Variants in LLGL2 observed in about 807,000 individuals in gnomAD.
LLGL2 encodes LLGL2, scribble cell polarity complex component.
In LLGL2, 81 loss-of-function variants were observed where a neutral mutation model predicts 123.2. That is an observed-to-expected ratio of 0.66 (90% CI 0.55 to 0.79). The LOEUF (loss-of-function observed/expected upper bound fraction) is 0.79. LLGL2 is among the 30% of genes least tolerant of loss of function. The pLI is 0.00. For missense variants in LLGL2, 1,273 were observed against 1,414.6 expected (o/e 0.90, Z 1.61); for synonymous variants, 577 against 594.1 (o/e 0.97, Z 0.42).
chr17:75,571,219 T>C, intron 17 of LLGL2, 119 bp downstream of exon 17: 2 of 970,970 alleles, frequency 2.1e-6, no homozygotes, highest in Admixed American at 2.3e-5. Flanking sequence ...GGTTTCCCCT[T>C]GTGAGCAGGG....
chr17:75,551,091 C>T (rs570628612), intron 2 of LLGL2, among the ~76,000 whole-genome samples: 49 of 152,310 alleles, frequency 3.2e-4, no homozygotes, highest in African/African-American at 1.2e-3. Context: ...GGAGACAGGT[C>T]ATTTACACAT....
At chr17:75,572,610 A>T (rs1419578416) in intron 19 of LLGL2, among the ~76,000 whole-genome samples, 1 of 148,104 alleles carries the variant, frequency 6.8e-6, no homozygotes, top group Non-Finnish European at 1.5e-5. Flanking sequence ...GCTTGCAGTG[A>T]GCCGAGATTG....
At chr17:75,530,376 C>T (rs991703178) in intron 1 of LLGL2, among the ~76,000 whole-genome samples, 4 of 151,958 alleles carry the variant, frequency 2.6e-5, no homozygotes, top group Admixed American at 2.0e-4. Context: ...ATCAGCCAGG[C>T]GCGGTGTCTC....
At position 75,559,558 on chromosome 17, in the gene LLGL2, T is replaced by C. The variant is rs576274080; in HGVS notation, c.530+148T>C. On this transcript the variant is annotated intron_variant, in intron 6 of 25. Coordinates refer to ENST00000392550, the MANE Select transcript of LLGL2 (RefSeq NM_001031803.2). The surrounding 1 kb of genome is among the most constrained non-coding windows in gnomAD (Gnocchi z 4.6). ...CAGGGGAGGCTCTTGGCTTCCTACCTGTCACCTACTGAGAACCTATTGGCC... is the reference window on the plus strand; with the variant it reads ...CAGGGGAGGCTCTTGGCTTCCTACCCGTCACCTACTGAGAACCTATTGGCC... 3 of 974,150 alleles carry C rather than the reference T, an allele frequency of 3.1e-6. No individual in the cohort carries two copies. The highest frequency in any genetic ancestry group is 4.4e-6 in the Non-Finnish European group (3 of 678,286). The allele number at this position is 974,150 out of a possible 1,614,324, so 60.3% of individuals were successfully genotyped here.
At chr17:75,574,820 G>A (rs1209570824) in intron 25 of LLGL2, 51 bp from the exon 26 acceptor site, 10 of 1,607,558 alleles carry the variant, frequency 6.2e-6, no homozygotes, top group Non-Finnish European at 8.5e-6. Context: ...GGCGGCTGGG[G>A]CACCCCGTCC....
chr17:75,530,362 G>C (rs2053732975), intron 1 of LLGL2, among the ~76,000 whole-genome samples: 1 of 152,110 alleles, frequency 6.6e-6, no homozygotes, highest in South Asian at 2.1e-4. Flanking sequence ...AAAATTAGCT[G>C]GGCATCAGCC....
rs114747014 is a variant in LLGL2, at chr17:75,563,412, G to T, written c.775G>T (p.Val259Leu). 2,010 of 1,612,784 alleles carry T rather than the reference G, an allele frequency of 1.2e-3. 34 individuals carry two copies. The Admixed American group carries it at 0.031, about 25-fold the overall frequency. ...TGACGGCAGCTACTGCCAGTGGCCC[G>T]TGTCCAGCGAAGCCCAGCAACCAGA... ...HSDGSYCQWP[V>L]SSEAQQPEPL... The change falls in exon 8 of 26, where the codon GTG becomes TTG. Residue 259 changes from valine to leucine, a missense_variant. Transcript: ENST00000392550.
intron 6 of LLGL2, among the ~76,000 whole-genome samples, chr17:75,560,955 C>G (rs1189379031): frequency 2.0e-5 from 3 of 152,128 alleles, no homozygotes; most frequent in African/African-American, 7.2e-5. Context: ...CCTCAGCCTT[C>G]CGAGTAGCTG....
chr17:75,558,124 C>A lies in LLGL2; in HGVS notation c.174-31C>A, dbSNP rs1393397559. The stretch of plus-strand genomic sequence containing the variant: ...AAGGCAGGCAGGGGATGGTGTCCGA[C>A]CTTCCAGAGCTTTCCTGAGCCTACT... On this transcript the variant is annotated intron_variant, in intron 3 of 25. Transcript: ENST00000392550. The surrounding 1 kb of genome is among the most constrained non-coding windows in gnomAD (Gnocchi z 4.0). The A allele has an allele frequency of 2.5e-6, 4 of 1,608,248 alleles. No homozygotes were observed. The highest frequency in any genetic ancestry group is 1.1e-5 in the South Asian group (1 of 90,980).
chr17:75,570,880 C>T, intron 16 of LLGL2, 70 bp from the exon 17 acceptor site: 1 of 1,515,398 alleles, frequency 6.6e-7, no homozygotes, highest in Non-Finnish European at 8.9e-7. Context: ...CAAGGATCAG[C>T]ACTGAGCGAA....
chr17:75,563,626 G>T (rs1410560445), intron 8 of LLGL2, 126 bp from the exon 9 acceptor site: 1 of 1,477,494 alleles, frequency 6.8e-7, no homozygotes, highest in African/African-American at 1.4e-5. Context: ...GAACTTCTCG[G>T]AGCAAGATTC....
Position 75,564,635 on chromosome 17 carries a change from G to A in LLGL2, c.1036+128G>A, listed in dbSNP as rs2055367279. ...CCCAGTGCTGTGGGAGGCCAAGGTG[G>A]TAGGATCGCTTGAACCCAGGAGTTC... On this transcript the variant is annotated intron_variant, in intron 10 of 25. Transcript: ENST00000392550. The surrounding 1 kb of genome is among the most constrained non-coding windows in gnomAD (Gnocchi z 4.9). 2.7e-6 allele frequency: 4 copies of A among 1,471,854 alleles called. No homozygotes were observed. The highest frequency in any genetic ancestry group is 1.4e-5 in the African/African-American group (1 of 71,524). The allele number at this position is 1,471,854 out of a possible 1,614,324, so 91.2% of individuals were successfully genotyped here.
chr17:75,527,047 T>A (rs949384343), intron 1 of LLGL2, among the ~76,000 whole-genome samples: 1 of 149,820 alleles, frequency 6.7e-6, no homozygotes, highest in Non-Finnish European at 1.5e-5. Flanking sequence ...CGTGCACCTG[T>A]AGTCCCAGCT....
At chr17:75,541,893 C>T (rs1007093740) in intron 1 of LLGL2, among the ~76,000 whole-genome samples, 1 of 151,840 alleles carries the variant, frequency 6.6e-6, no homozygotes, top group African/African-American at 2.4e-5. Flanking sequence ...CCACACTCGG[C>T]TAACTTTTTG....
chr17:75,550,199 C>T (rs1431572267), intron 2 of LLGL2, among the ~76,000 whole-genome samples: 5 of 152,234 alleles, frequency 3.3e-5, no homozygotes, highest in African/African-American at 7.2e-5. Flanking sequence ...GGCTATGCCC[C>T]GTCCCGCCCT....
rs576504796 is a variant in LLGL2 at position 75,568,483 on chromosome 17, C to A, written c.1044C>A (p.Asp348Glu). 1.9e-6 allele frequency: 3 copies of A among 1,612,342 alleles called. No homozygotes were observed. The Admixed American group carries it at 5.0e-5, about 27-fold the overall frequency. ...CCTTGCCCTGTACCCCAGCCTTTGA[C>A]GACCCCTATGCCCTGGTGGTGCTGG... ...LTEADPAATF[D>E]DPYALVVLAE... Residue 348 changes from aspartate (D) to glutamate (E), a missense_variant, in exon 11 of 26, where the codon GAC becomes GAA. Transcript: ENST00000392550.
intron 17 of LLGL2, 73 bp from the exon 18 acceptor site, chr17:75,571,594 G>T: frequency 8.8e-7 from 1 of 1,138,968 alleles, no homozygotes; most frequent in East Asian, 2.4e-5. Flanking sequence ...AAACCTGGGA[G>T]TAAACCCTGG....
chr17:75,557,068 A>G (rs2054948253), intron 3 of LLGL2, among the ~76,000 whole-genome samples: 2 of 130,920 alleles, frequency 1.5e-5, no homozygotes, highest in South Asian at 4.7e-4. Flanking sequence ...TTGTGGAGAC[A>G]GGGTCTTGTG....
At position 75,563,402 on chromosome 17, in the gene LLGL2, C is replaced by T; in HGVS notation, c.765C>T (p.Cys255=). 6.2e-7 allele frequency: 1 copy of T among 1,612,886 alleles called. No individual in the cohort carries two copies. Among genetic ancestry groups the T allele is most frequent in the Non-Finnish European group, 8.5e-7 (1 of 1,180,034 alleles). Residue 255 remains cysteine (C), a synonymous_variant, in exon 8 of 26, where the codon TGC becomes TGT. Coordinates refer to ENST00000392550, the MANE Select transcript of LLGL2 (RefSeq NM_001031803.2). ...LVSCHSDGSY[C]QWPVSSEAQQ... ...GCTGTCACTCTGACGGCAGCTACTG[C>T]CAGTGGCCCGTGTCCAGCGAAGCCC...
Sources: gnomAD v4.1 joint callset for allele counts (sites outside exome capture counted in the v4.1 genomes callset) on GRCh38, gnomAD v4.1.1 for gene constraint, Gnocchi (gnomAD v3.1) non-coding constraint, MANE v1.5 for transcripts, NCBI Gene and HGNC (gene_info 2026-07-23, HGNC 2026-07-21) for gene names.